ROBO2: variants seen among roughly 807,000 people sequenced by gnomAD.
The protein encoded by ROBO2 is roundabout homolog 2.
Under a neutral mutation model 160.8 loss-of-function variants are expected in ROBO2, and 53 were observed. The observed-to-expected ratio is 0.33, with a 90% CI of 0.26 to 0.41. ROBO2 has a LOEUF of 0.41. ROBO2 is among the 10% of genes least tolerant of loss of function. The pLI, the probability that ROBO2 is intolerant of heterozygous loss-of-function variation, is 1.00. For missense variants in ROBO2, 1,577 were observed against 1,722.4 expected, an observed-to-expected ratio of 0.92 and a Z score of 1.49; for synonymous variants, 664 against 611.7, an observed-to-expected ratio of 1.09 and a Z score of -1.26.
chr3:76,826,456 C>T (rs1267939051), intron 2 of ROBO2, among the ~76,000 whole-genome samples: 1 of 152,072 alleles, frequency 6.6e-6, no homozygotes, highest in Non-Finnish European at 1.5e-5. Flanking sequence ...CGTCATAGCA[C>T]TTTTATACTA....
chr3:75,945,896 C>T (rs947057990), intron 2 of ROBO2, among the ~76,000 whole-genome samples: 1 of 151,922 alleles, frequency 6.6e-6, no homozygotes, highest in Non-Finnish European at 1.5e-5. Context: ...TTTCTGGAAC[C>T]CAAATTTAGG....
intron 2 of ROBO2, among the ~76,000 whole-genome samples, chr3:76,041,022 A>C (rs1001449226): frequency 6.6e-6 from 1 of 152,018 alleles, no homozygotes; most frequent in Non-Finnish European, 1.5e-5. Flanking sequence ...TCATAAGTGA[A>C]GTTCTCTTAA....
chr3:76,639,484 A>G (rs975484411), intron 2 of ROBO2, among the ~76,000 whole-genome samples: 2 of 152,026 alleles, frequency 1.3e-5, no homozygotes, highest in African/African-American at 2.4e-5. Flanking sequence ...ACACACACAC[A>G]CACACATATC....
intron 2 of ROBO2, among the ~76,000 whole-genome samples, chr3:76,654,901 A>T (rs1335645988): frequency 1.5e-5 from 2 of 136,968 alleles, no homozygotes; most frequent in Non-Finnish European, 3.1e-5. Context: ...GCATGTGTGT[A>T]CATATGTGTG....
chr3:76,232,337 G>T (rs1179076336), intron 2 of ROBO2, among the ~76,000 whole-genome samples: 2 of 152,204 alleles, frequency 1.3e-5, no homozygotes, highest in East Asian at 1.9e-4. Context: ...TATTGGTTCA[G>T]AGTCTAGAAA....
chr3:76,273,724 C>A (rs1707749495), intron 2 of ROBO2, among the ~76,000 whole-genome samples: 1 of 152,068 alleles, frequency 6.6e-6, no homozygotes, highest in Non-Finnish European at 1.5e-5. Context: ...ATGAGCAGAG[C>A]AGCATGGAGG....
rs539764288 is a variant in ROBO2, at chr3:75,938,198, G to A, written c.109+596G>A. 5.1e-3 allele frequency among the ~76,000 whole-genome samples: 773 copies of A among 151,938 alleles called. 7 individuals carry two copies. Among genetic ancestry groups the A allele is most frequent in the African/African-American group, 0.018 (736 of 41,434 alleles). ...TTGTGGCATCCTGAAATGTCTGTTG[G>A]AGAGTAGAAAAGGGCCATAGATTTT... On this transcript the variant is annotated intron_variant, in intron 2 of 26. Transcript: ENST00000487694.
intron 2 of ROBO2, among the ~76,000 whole-genome samples, chr3:76,571,886 C>T (rs182606058): frequency 7.2e-5 from 11 of 152,120 alleles, no homozygotes; most frequent in Admixed American, 3.3e-4. Flanking sequence ...AAAGGCAGAC[C>T]ATTCTAAAAG....
At position 76,770,694 on chromosome 3, in the gene ROBO2, A is replaced by G. The variant is rs573020026; in HGVS notation, c.110-327320A>G. Among the ~76,000 whole-genome samples the G allele has an allele frequency of 2.1e-5, 3 of 145,846 alleles. No individual in the cohort carries two copies. The East Asian group carries it at 5.9e-4, about 29-fold the overall frequency. On this transcript the variant is annotated intron_variant, in intron 2 of 26. Coordinates refer to the ROBO2 transcript ENST00000487694. ...AAAGAGAAAAATTGAACTTAAAAACATATGCATATTTAAAACATTGTGTTT... is the reference window on the plus strand; with the variant it reads ...AAAGAGAAAAATTGAACTTAAAAACGTATGCATATTTAAAACATTGTGTTT...
At chr3:76,297,984 A>G (rs969123484) in intron 2 of ROBO2, among the ~76,000 whole-genome samples, 3 of 152,186 alleles carry the variant, frequency 2.0e-5, no homozygotes, top group African/African-American at 7.2e-5. Flanking sequence ...AGATGCATCT[A>G]AAGTGCTGAG....
chr3:77,032,616 A>G (rs1172160563), intron 2 of ROBO2, among the ~76,000 whole-genome samples: 4 of 152,178 alleles, frequency 2.6e-5, no homozygotes, highest in Non-Finnish European at 5.9e-5. Flanking sequence ...GAAGTCCTAA[A>G]ACAAAGAATA....
chr3:77,487,422 G>A (rs1560974547), intron 4 of ROBO2, among the ~76,000 whole-genome samples: 1 of 152,088 alleles, frequency 6.6e-6, no homozygotes, highest in African/African-American at 2.4e-5. Flanking sequence ...TTTCCTCTGA[G>A]AACATTTATT....
At chr3:76,896,692 T>C (rs572707969) in intron 2 of ROBO2, among the ~76,000 whole-genome samples, 4 of 152,228 alleles carry the variant, frequency 2.6e-5, no homozygotes, top group Admixed American at 1.3e-4. Context: ...ACTCACTTGA[T>C]ATAATTTTCT....
chr3:76,330,729 T>C (rs1255248990), intron 2 of ROBO2, among the ~76,000 whole-genome samples: 2 of 152,210 alleles, frequency 1.3e-5, no homozygotes, highest in African/African-American at 4.8e-5. Context: ...TTTGTTGTGA[T>C]ATTACATATA....
chr3:76,765,093 AT>A (rs1312021802), intron 2 of ROBO2, among the ~76,000 whole-genome samples: 1 of 151,496 alleles, frequency 6.6e-6, no homozygotes, highest in African/African-American at 2.4e-5. Flanking sequence ...TCTAATGTCT[AT>A]TGTTCCACTC....
chr3:77,509,292 C>G (rs2089048337), intron 5 of ROBO2, among the ~76,000 whole-genome samples: 2 of 152,030 alleles, frequency 1.3e-5, no homozygotes, highest in African/African-American at 4.8e-5. Context: ...GTCCTGACTT[C>G]AGCAAACACA....
At chr3:76,365,064 A>G (rs188420949) in intron 2 of ROBO2, among the ~76,000 whole-genome samples, 2 of 148,600 alleles carry the variant, frequency 1.3e-5, no homozygotes, top group Non-Finnish European at 3.0e-5. Context: ...GTGATTTTCT[A>G]ATAAGAAGCC....
chr3:76,721,930 G>C (rs750090625), intron 2 of ROBO2, among the ~76,000 whole-genome samples: 43 of 152,154 alleles, frequency 2.8e-4, no homozygotes, highest in East Asian at 1.7e-3. Flanking sequence ...CATTGCCAAG[G>C]GGGTAGAGTT....
chr3:77,482,113 G>GTA (rs1560960334), intron 4 of ROBO2, among the ~76,000 whole-genome samples: 1 of 152,084 alleles, frequency 6.6e-6, no homozygotes, highest in African/African-American at 2.4e-5. Flanking sequence ...GTATGTATGT[G>GTA]TATGTACATG....
Sources: gnomAD v4.1 joint callset for allele counts (sites outside exome capture counted in the v4.1 genomes callset) on GRCh38, gnomAD v4.1.1 for gene constraint, MANE v1.5 for transcripts, NCBI Gene and HGNC (gene_info 2026-07-23, HGNC 2026-07-21) for gene names.